Variants in CDKAL1 observed in about 807,000 individuals in gnomAD.
CDKAL1 encodes threonylcarbamoyladenosine tRNA methylthiotransferase.
Under a neutral mutation model 68.2 loss-of-function variants are expected in CDKAL1, and 32 were observed. The ratio of observed to expected loss-of-function variants is 0.47; its 90% CI spans 0.35 to 0.63. The LOEUF is 0.63. Among genes scored for constraint, CDKAL1 ranks in the 30% least tolerant of loss-of-function variants. The pLI, the probability that CDKAL1 is intolerant of heterozygous loss-of-function variation, is 0.00. For missense variants in CDKAL1, 606 were observed against 696.7 expected, an observed-to-expected ratio of 0.87 and a Z score of 1.47; for synonymous variants, 234 against 244.3, an observed-to-expected ratio of 0.96 and a Z score of 0.39.
chr6:20,870,807 C>CTT (rs1181076358), intron 9 of CDKAL1, among the ~76,000 whole-genome samples: 1 of 152,116 alleles, frequency 6.6e-6, no homozygotes, highest in African/African-American at 2.4e-5. Context: ...AATAATAATT[C>CTT]TTTGCCTTGC....
chr6:21,064,097 C>A (rs983756056), intron 11 of CDKAL1, among the ~76,000 whole-genome samples: 3 of 152,160 alleles, frequency 2.0e-5, no homozygotes, highest in African/African-American at 7.2e-5. Context: ...AAAAGAGGAA[C>A]AATGCAAAAT....
At chr6:21,141,271 C>G (rs1410706481) in intron 13 of CDKAL1, among the ~76,000 whole-genome samples, 2 of 152,234 alleles carry the variant, frequency 1.3e-5, no homozygotes, top group Admixed American at 1.3e-4. Context: ...CCTACTTTCT[C>G]TTCTAGCAAA....
intron 12 of CDKAL1, among the ~76,000 whole-genome samples, chr6:21,086,264 A>T (rs1407331292): frequency 6.6e-6 from 1 of 152,330 alleles, no homozygotes; most frequent in African/African-American, 2.4e-5. Context: ...TGCTTCTTAA[A>T]TATTGTATCT....
intron 4 of CDKAL1, among the ~76,000 whole-genome samples, chr6:20,645,944 G>A (rs1407171103): frequency 6.6e-6 from 1 of 151,550 alleles, no homozygotes; most frequent in East Asian, 1.9e-4. Flanking sequence ...ATCTTCAGGG[G>A]CAATAACATG....
intron 8 of CDKAL1, among the ~76,000 whole-genome samples, chr6:20,811,739 A>C (rs796351816): frequency 3.3e-5 from 5 of 151,420 alleles, no homozygotes; most frequent in African/African-American, 1.2e-4. Flanking sequence ...TGTGTTGTTA[A>C]CTTGATCCAG....
chr6:21,103,145 A>G (rs1483417468), intron 12 of CDKAL1, among the ~76,000 whole-genome samples: 1 of 152,226 alleles, frequency 6.6e-6, no homozygotes, highest in Non-Finnish European at 1.5e-5. Flanking sequence ...ATTTGGGAAA[A>G]CTTTAATCAA....
chr6:21,198,300 T>C (rs1379477082), intron 14 of CDKAL1, among the ~76,000 whole-genome samples, 196 bp downstream of exon 14: 1 of 152,092 alleles, frequency 6.6e-6, no homozygotes, highest in African/African-American at 2.4e-5. Flanking sequence ...AAGGAATAGG[T>C]GTATTTAGTC....
chr6:20,831,836 G>A lies in CDKAL1; in HGVS notation c.639-14239G>A, dbSNP rs141791316. Among the ~76,000 whole-genome samples the A allele has an allele frequency of 9.9e-4, 151 of 152,194 alleles. 1 individual carries two copies. Among genetic ancestry groups the A allele is most frequent in the African/African-American group, 3.4e-3 (141 of 41,532 alleles). ...TCGAGCTTTTTCACCTTTCCAATTTGCTTCAAATGCTGAATGAACGTAGAA... is the reference window on the plus strand; with the variant it reads ...TCGAGCTTTTTCACCTTTCCAATTTACTTCAAATGCTGAATGAACGTAGAA... On this transcript the variant is annotated intron_variant, in intron 8 of 15. Transcript: ENST00000274695.
At chr6:20,701,399 G>A (rs957445669) in intron 5 of CDKAL1, among the ~76,000 whole-genome samples, 2 of 152,010 alleles carry the variant, frequency 1.3e-5, no homozygotes, top group African/African-American at 4.8e-5. Context: ...CTGGAACCAA[G>A]TAGTAGCTCT....
chr6:20,630,806 G>C lies in CDKAL1; in HGVS notation c.287-18487G>C, dbSNP rs970589803. On this transcript the variant is annotated intron_variant, in intron 4 of 15. Transcript: ENST00000274695. Reference sequence around the variant, plus strand: ...GGTTTCCAGCTTAAGACACCTCTTTGCAAGTCACAACATCTCTTTCTATTT... The same window carrying C: ...GGTTTCCAGCTTAAGACACCTCTTTCCAAGTCACAACATCTCTTTCTATTT... 2.0e-4 allele frequency among the ~76,000 whole-genome samples: 31 copies of C among 152,108 alleles called. 1 individual carries two copies. The highest frequency in any genetic ancestry group is 2.1e-4 in the South Asian group (1 of 4,820).
rs900618003 is a variant in CDKAL1, at chr6:20,555,338, C to T, written c.286+6633C>T. 8.6e-5 allele frequency among the ~76,000 whole-genome samples: 13 copies of T among 151,540 alleles called. 1 individual carries two copies. Among genetic ancestry groups the T allele is most frequent in the Non-Finnish European group, 1.0e-4 (7 of 67,892 alleles). On this transcript the variant is annotated intron_variant, in intron 4 of 15. Coordinates refer to ENST00000274695, the MANE Select transcript of CDKAL1 (RefSeq NM_017774.3). ...ATTTTTATTTATTTTTATTATTTTCCGAGATGGAGTCTTGCTCTGTTGCCC... is the reference window on the plus strand; with the variant it reads ...ATTTTTATTTATTTTTATTATTTTCTGAGATGGAGTCTTGCTCTGTTGCCC...
intron 10 of CDKAL1, among the ~76,000 whole-genome samples, chr6:20,988,180 A>ATGTGTGTGTG (rs1491171083): frequency 0.018 from 621 of 34,324 alleles, 6 homozygotes; most frequent in African/African-American, 0.046. Flanking sequence ...AAGAAACATA[A>ATGTGTGTGTG]TATGTGTGTG....
chr6:21,206,539 G>A (rs957285941), intron 15 of CDKAL1, among the ~76,000 whole-genome samples: 4 of 152,074 alleles, frequency 2.6e-5, no homozygotes, highest in Admixed American at 6.6e-5. Context: ...GTACGAGATA[G>A]AAAAGAACAT....
At chr6:21,010,224 G>A (rs539307136) in intron 11 of CDKAL1, among the ~76,000 whole-genome samples, 8 of 152,282 alleles carry the variant, frequency 5.3e-5, no homozygotes, top group Admixed American at 3.9e-4. Flanking sequence ...TGTTTTATCT[G>A]TAATAACATC....
chr6:20,925,984 A>C lies in CDKAL1; in HGVS notation c.743-29435A>C, dbSNP rs1164631848. Among the ~76,000 whole-genome samples, 3 of 152,206 alleles carry C rather than the reference A, an allele frequency of 2.0e-5. No individual in the cohort carries two copies. The East Asian group carries it at 5.8e-4, about 29-fold the overall frequency. On this transcript the variant is annotated intron_variant, in intron 9 of 15. Coordinates refer to ENST00000274695, the MANE Select transcript of CDKAL1 (RefSeq NM_017774.3). ...GATTTTTAGAAAAATAAATTGGTACATCTTTCAAGATATTACACAGAGCTC... is the reference window on the plus strand; with the variant it reads ...GATTTTTAGAAAAATAAATTGGTACCTCTTTCAAGATATTACACAGAGCTC...
At chr6:20,869,764 A>G (rs1336159703) in intron 9 of CDKAL1, among the ~76,000 whole-genome samples, 1 of 152,220 alleles carries the variant, frequency 6.6e-6, no homozygotes, top group Non-Finnish European at 1.5e-5. Flanking sequence ...TTCCTTATCA[A>G]TATGAATATT....
intron 4 of CDKAL1, among the ~76,000 whole-genome samples, chr6:20,626,064 C>G (rs901939278): frequency 1.3e-5 from 2 of 152,126 alleles, no homozygotes; most frequent in Admixed American, 6.6e-5. Context: ...CTTTCCCCTA[C>G]TTCTTTTATT....
At chr6:21,170,139 G>T (rs1777321527) in intron 13 of CDKAL1, among the ~76,000 whole-genome samples, 1 of 152,264 alleles carries the variant, frequency 6.6e-6, no homozygotes, top group Admixed American at 6.5e-5. Context: ...GCTGTCTTCA[G>T]CCTTGTCTGA....
At chr6:20,836,769 C>T (rs1777966713) in intron 8 of CDKAL1, among the ~76,000 whole-genome samples, 1 of 152,032 alleles carries the variant, frequency 6.6e-6, no homozygotes, top group African/African-American at 2.4e-5. Flanking sequence ...GAAAAGAGCT[C>T]TCACTGAATT....
Sources: gnomAD v4.1 joint callset for allele counts (sites outside exome capture counted in the v4.1 genomes callset) on GRCh38, gnomAD v4.1.1 for gene constraint, MANE v1.5 for transcripts, NCBI Gene and HGNC (gene_info 2026-07-23, HGNC 2026-07-21) for gene names.